SGCD: variants seen among roughly 807,000 people sequenced by gnomAD.
SGCD encodes sarcoglycan delta, also known as delta-sarcoglycan.
Under a neutral mutation model 36.6 loss-of-function variants are expected in SGCD, and 18 were observed. The observed-to-expected ratio is 0.49, with a 90% confidence interval of 0.34 to 0.73. The LOEUF (loss-of-function observed/expected upper bound fraction) is 0.73, where lower values mean the gene tolerates loss of function less well. Among genes scored for constraint, SGCD ranks in the 30% least tolerant of loss-of-function variants. The pLI is 0.01. For synonymous variants in SGCD, 133 were observed against 130.6 expected (o/e 1.02, Z -0.12); for missense variants, 387 against 346.7 (o/e 1.12, Z -0.92).
intron 7 of SGCD, among the ~76,000 whole-genome samples, chr5:156,729,566 C>T (rs1755954188): frequency 6.6e-6 from 1 of 152,136 alleles, no homozygotes; most frequent in African/African-American, 2.4e-5. Flanking sequence ...AAGAAGCACT[C>T]AATGAATATT....
chr5:156,422,193 TAATAAA>T lies in SGCD; in HGVS notation c.192+77526_192+77531del, dbSNP rs1773341209. On this transcript the variant is annotated intron_variant, in intron 3 of 8. Transcript: ENST00000337851. Reference sequence around the variant, plus strand: ...GAACTGTTTGCTGTGAGCAGGAGCTTAATAAAAATAAAAATCTTGTTGTATAAGGCA... The same window carrying T: ...GAACTGTTTGCTGTGAGCAGGAGCTTAATAAAAATCTTGTTGTATAAGGCA... 4.6e-5 allele frequency among the ~76,000 whole-genome samples: 7 copies of T among 152,156 alleles called. No individual in the cohort carries two copies. In the South Asian group the frequency reaches 1.4e-3, roughly 31 times the overall value.
intron 4 of SGCD, among the ~76,000 whole-genome samples, chr5:156,509,488 G>A (rs535435114): frequency 4.6e-5 from 7 of 152,290 alleles, no homozygotes; most frequent in African/African-American, 1.7e-4. Context: ...AATCACTACA[G>A]AGTGTGTACC....
At chr5:156,281,846 C>A (rs912237281) in intron 3 of SGCD, among the ~76,000 whole-genome samples, 4 of 151,994 alleles carry the variant, frequency 2.6e-5, no homozygotes, top group Non-Finnish European at 5.9e-5. Context: ...GCTTGATTTC[C>A]TCATTACACC....
At chr5:156,485,444 C>T (rs1755617717) in intron 3 of SGCD, among the ~76,000 whole-genome samples, 1 of 152,112 alleles carries the variant, frequency 6.6e-6, no homozygotes, top group Admixed American at 6.5e-5. Context: ...AGGTGGATCA[C>T]CTGAGATCAG....
intron 1 of SGCD, among the ~76,000 whole-genome samples, chr5:156,022,578 A>T (rs1247336113): frequency 6.6e-6 from 1 of 152,208 alleles, no homozygotes; most frequent in African/African-American, 2.4e-5. Flanking sequence ...ACGAGTTGAC[A>T]TAGATTTGTT....
intron 1 of SGCD, among the ~76,000 whole-genome samples, chr5:155,969,595 A>G (rs1380406671): frequency 6.6e-6 from 1 of 152,122 alleles, no homozygotes; most frequent in Non-Finnish European, 1.5e-5. Context: ...CACGCAGAAT[A>G]TTTGGAGTCA....
intron 4 of SGCD, among the ~76,000 whole-genome samples, chr5:156,547,160 C>T (rs1191820794): frequency 6.6e-6 from 1 of 152,152 alleles, no homozygotes; most frequent in Admixed American, 6.6e-5. Flanking sequence ...AGTTTCTCAG[C>T]CTCAGAACTA....
chr5:156,557,913 C>T (rs1158786480), intron 4 of SGCD, among the ~76,000 whole-genome samples: 1 of 151,478 alleles, frequency 6.6e-6, no homozygotes, highest in Non-Finnish European at 1.5e-5. Flanking sequence ...TGAAAATTCT[C>T]ACGTTATATC....
In SGCD at chr5:156,532,219, C is replaced by T. The variant is rs142025497; in HGVS notation, c.294+23517C>T. The stretch of plus-strand genomic sequence containing the variant: ...ATGCTTGGGAAGTTTTAAGGTGTTC[C>T]TAAGTGTCTGCAGGGTTTTGCTGTT... On this transcript the variant is annotated intron_variant, in intron 4 of 8. Transcript: ENST00000337851. Among the ~76,000 whole-genome samples, 15 of 152,236 alleles carry T rather than the reference C, an allele frequency of 9.9e-5. No homozygotes were observed. In the East Asian group the frequency reaches 2.9e-3, roughly 29 times the overall value.
intron 3 of SGCD, among the ~76,000 whole-genome samples, chr5:156,157,084 CA>C (rs1762980634): frequency 6.6e-6 from 1 of 151,596 alleles, no homozygotes; most frequent in East Asian, 1.9e-4. Flanking sequence ...TGAGATATGT[CA>C]CACTTGTTAA....
At chr5:156,605,658 C>T (rs574951310) in intron 6 of SGCD, among the ~76,000 whole-genome samples, 60 of 152,292 alleles carry the variant, frequency 3.9e-4, no homozygotes, top group African/African-American at 1.4e-3. Flanking sequence ...AGTTTACAGT[C>T]CCACCAACAG....
intron 1 of SGCD, among the ~76,000 whole-genome samples, chr5:155,985,574 A>G (rs1758313972): frequency 6.6e-6 from 1 of 152,102 alleles, no homozygotes; most frequent in Non-Finnish European, 1.5e-5. Flanking sequence ...TATTCTGTCT[A>G]CCATAAACCC....
At position 155,928,251 on chromosome 5, in the gene SGCD, C is replaced by T. The variant is rs1330502510; in HGVS notation, c.-282+57827C>T. On this transcript the variant is annotated intron_variant, in intron 1 of 9. Coordinates refer to the SGCD transcript ENST00000517913. ...TAGTCACGGATTTTTAAATGAATTA[C>T]ACATGCAGAAAATTGAGTTGCTTCT... Among the ~76,000 whole-genome samples the T allele has an allele frequency of 8.5e-4, 130 of 152,112 alleles. 1 individual carries two copies. The highest frequency in any genetic ancestry group is 1.6e-4 in the Non-Finnish European group (11 of 68,026).
chr5:156,024,155 T>C (rs1478826923), intron 1 of SGCD, among the ~76,000 whole-genome samples: 1 of 152,106 alleles, frequency 6.6e-6, no homozygotes, highest in East Asian at 1.9e-4. Context: ...ACCTTTCTTC[T>C]ACAAAAGTGA....
chr5:156,644,926 ATTTT>A (rs11296311), intron 6 of SGCD, among the ~76,000 whole-genome samples: 1 of 146,276 alleles, frequency 6.8e-6, no homozygotes, highest in African/African-American at 2.5e-5. Flanking sequence ...TGCATTTGAG[ATTTT>A]TTTTTTTTTT....
intron 4 of SGCD, among the ~76,000 whole-genome samples, chr5:156,538,697 G>T (rs544319364): frequency 6.6e-6 from 1 of 151,828 alleles, no homozygotes; most frequent in Non-Finnish European, 1.5e-5. Flanking sequence ...TACATTTTAC[G>T]GCCCAGAGTA....
At chr5:156,252,215 TTACAG>T (rs1405821231) in intron 3 of SGCD, among the ~76,000 whole-genome samples, 1 of 151,972 alleles carries the variant, frequency 6.6e-6, no homozygotes, top group African/African-American at 2.4e-5. Context: ...CCTCCTGGGA[TTACAG>T]GTATGTGCCA....
chr5:156,024,886 A>G (rs1198540160), intron 1 of SGCD, among the ~76,000 whole-genome samples: 1 of 151,338 alleles, frequency 6.6e-6, no homozygotes, highest in Non-Finnish European at 1.5e-5. Context: ...TGAACCCTGG[A>G]GGCAGAGGTT....
At position 156,742,197 on chromosome 5, in the gene SGCD, T is replaced by C. The variant is rs370405544; in HGVS notation, c.576-15384T>C. 3.9e-5 allele frequency among the ~76,000 whole-genome samples: 6 copies of C among 152,172 alleles called. No individual in the cohort carries two copies. The East Asian group carries it at 1.2e-3, about 30-fold the overall frequency. On this transcript the variant is annotated intron_variant, in intron 7 of 8. Coordinates refer to ENST00000337851, the MANE Select transcript of SGCD (RefSeq NM_000337.6). ...GGCCTCAGGTTTCTTTTTCTTGAGGTTTTATACACAAAGTACCATTAACTC... is the reference window on the plus strand; with the variant it reads ...GGCCTCAGGTTTCTTTTTCTTGAGGCTTTATACACAAAGTACCATTAACTC...
Sources: gnomAD v4.1 joint callset for allele counts (sites outside exome capture counted in the v4.1 genomes callset) on GRCh38, gnomAD v4.1.1 for gene constraint, MANE v1.5 for transcripts, NCBI Gene and HGNC (gene_info 2026-07-23, HGNC 2026-07-21) for gene names.